OAT: variants seen among roughly 807,000 people sequenced by gnomAD.
OAT encodes ornithine aminotransferase, mitochondrial.
In OAT, 35 loss-of-function variants were observed where a neutral mutation model predicts 48.4. The observed-to-expected ratio is 0.72, with a 90% confidence interval of 0.55 to 0.96. The LOEUF is 0.96. Ranked by LOEUF, OAT falls within the 40% of genes least tolerant of loss-of-function variation. The probability of loss-of-function intolerance (pLI) is 0.00; values close to 1 mark genes in which losing one functional copy is unlikely to be tolerated. For missense variants in OAT, 438 were observed against 537.9 expected, an observed-to-expected ratio of 0.81 and a Z score of 1.84; for synonymous variants, 182 against 198.4, an observed-to-expected ratio of 0.92 and a Z score of 0.70.
chr10:124,409,059 A>T, intron 2 of OAT, 94 bp from the exon 3 acceptor site: 1 of 800,834 alleles, frequency 1.2e-6, no homozygotes, highest in Non-Finnish European at 2.1e-6. Context: ...CTGAATGCCT[A>T]TATATGAACC....
intron 1 of OAT, among the ~76,000 whole-genome samples, chr10:124,415,475 G>A (rs1951890587): frequency 6.6e-6 from 1 of 152,122 alleles, no homozygotes; most frequent in African/African-American, 2.4e-5. Context: ...AATTCAACTG[G>A]GAAAGGTCAG....
At chr10:124,403,100 C>T in intron 6 of OAT, 45 bp from the exon 7 acceptor site, 1 of 1,609,814 alleles carries the variant, frequency 6.2e-7, no homozygotes, top group Non-Finnish European at 8.5e-7. Context: ...ACTTTCGTTT[C>T]CACAGGGAAA....
At chr10:124,411,828 AAAAAAAG>A in intron 2 of OAT, 138 bp downstream of exon 2, 1 of 769,836 alleles carries the variant, frequency 1.3e-6, no homozygotes, top group Non-Finnish European at 2.1e-6. Context: ...AAAAAAAAAA[AAAAAAAG>A]AAGAAGAAGA....
intron 4 of OAT, among the ~76,000 whole-genome samples, chr10:124,407,803 T>C (rs1951626441): frequency 6.6e-6 from 1 of 152,140 alleles, no homozygotes; most frequent in Non-Finnish European, 1.5e-5. Context: ...TCAAACTACA[T>C]CTTCTCAACT....
chr10:124,408,329 ATATATATATATATAT>A (rs1564735971), intron 4 of OAT, among the ~76,000 whole-genome samples, 198 bp downstream of exon 4: 2 of 90,556 alleles, frequency 2.2e-5, no homozygotes, highest in East Asian at 6.5e-4. Flanking sequence ...ATATATATAT[ATATATATATATATAT>A]TTTTTTTTTT....
chr10:124,411,911 A>G, intron 2 of OAT, 62 bp downstream of exon 2: 2 of 1,459,350 alleles, frequency 1.4e-6, no homozygotes, highest in South Asian at 2.3e-5. Flanking sequence ...AAAATATGGA[A>G]GCAATTTTTT....
intron 9 of OAT, among the ~76,000 whole-genome samples, chr10:124,400,038 A>C (rs1055423377): frequency 2.0e-4 from 31 of 152,372 alleles, no homozygotes; most frequent in Admixed American, 9.1e-4. Context: ...TTCATTTAGA[A>C]AAGAGCTATA....
chr10:124,408,684 T>G (rs750702321), intron 3 of OAT, 47 bp from the exon 4 acceptor site: 39 of 1,582,214 alleles, frequency 2.5e-5, no homozygotes, highest in Non-Finnish European at 1.7e-6. Context: ...TGTTAAACTA[T>G]CAAAAAATAA....
At chr10:124,411,674 G>T (rs936475609) in intron 2 of OAT, among the ~76,000 whole-genome samples, 11 of 152,128 alleles carry the variant, frequency 7.2e-5, no homozygotes, top group Admixed American at 2.0e-4. Context: ...AAATTAGCTG[G>T]GTGTGGTGGC....
chr10:124,402,584 T>C (rs1951442451), intron 7 of OAT, among the ~76,000 whole-genome samples: 1 of 152,242 alleles, frequency 6.6e-6, no homozygotes, highest in African/African-American at 2.4e-5. Context: ...TCAGTCTCTT[T>C]GTTCACCAGT....
chr10:124,403,771 C>CT (rs1951489723), intron 6 of OAT, 27 bp downstream of exon 6: 1 of 1,613,746 alleles, frequency 6.2e-7, no homozygotes. Context: ...GACATTCAGC[C>CT]TTATCACAAA....
At chr10:124,399,101 T>C (rs537806502) in intron 9 of OAT, among the ~76,000 whole-genome samples, 3 of 152,016 alleles carry the variant, frequency 2.0e-5, no homozygotes, top group African/African-American at 7.2e-5. Context: ...ATGATACAGA[T>C]GATTAACTGA....
Position 124,397,951 on chromosome 10 carries a change from C to T in OAT, c.1311G>A (p.Leu437=), listed in dbSNP as rs1800456. ...ESIEIINKTI[L]SF ...AAACAGCTGGCTACCCTCAGAAAGA[C>T]AAGATGGTCTTGTTAATAATTTCAA... Residue 437 remains leucine, a synonymous_variant, in exon 10 of 10, where the codon TTG becomes TTA. Transcript: ENST00000368845. 4 of 1,613,670 alleles carry T rather than the reference C, an allele frequency of 2.5e-6. No individual in the cohort carries two copies. In the South Asian group the frequency reaches 3.3e-5, roughly 13 times the overall value.
intron 2 of OAT, among the ~76,000 whole-genome samples, chr10:124,410,453 A>G (rs1951712486): frequency 6.6e-6 from 1 of 152,242 alleles, no homozygotes; most frequent in Admixed American, 6.5e-5. Flanking sequence ...TTAGGTCTCT[A>G]GACTAATGGT....
chr10:124,413,299 CACACACACACAT>C (rs774797765), intron 1 of OAT, among the ~76,000 whole-genome samples: 191 of 144,680 alleles, frequency 1.3e-3, no homozygotes, highest in South Asian at 6.8e-3. Flanking sequence ...CACACACACA[CACACACACACAT>C]ATATGAGATT....
chr10:124,416,866 TAAAAAAAAA>T (rs5788661), intron 1 of OAT, among the ~76,000 whole-genome samples: 12 of 144,452 alleles, frequency 8.3e-5, no homozygotes, highest in African/African-American at 3.1e-4. Context: ...TACAGGCCTT[TAAAAAAAAA>T]AAAAAAAAAA....
At chr10:124,411,726 G>C (rs907165615) in intron 2 of OAT, among the ~76,000 whole-genome samples, 2 of 150,540 alleles carry the variant, frequency 1.3e-5, no homozygotes, top group Non-Finnish European at 2.9e-5. Flanking sequence ...TGAGGCAGAA[G>C]AATCGCTTGA....
intron 9 of OAT, 39 bp from the exon 10 acceptor site, chr10:124,398,141 A>C (rs1951289108): frequency 1.2e-6 from 2 of 1,610,550 alleles, no homozygotes; most frequent in South Asian, 2.2e-5. Context: ...TCAAAGATAA[A>C]CGTTTAAACA....
chr10:124,410,758 A>G (rs1295484143), intron 2 of OAT, among the ~76,000 whole-genome samples: 1 of 152,160 alleles, frequency 6.6e-6, no homozygotes, highest in Non-Finnish European at 1.5e-5. Flanking sequence ...TGATCACACC[A>G]CTGAACTCCA....
Sources: allele counts gnomAD v4.1 joint callset (sites outside exome capture counted in the v4.1 genomes callset), GRCh38; gene constraint gnomAD v4.1.1; transcripts MANE v1.5; gene names NCBI Gene and HGNC (gene_info 2026-07-23, HGNC 2026-07-21).